Variants in PHF21A observed in about 807,000 individuals in gnomAD.
PHF21A encodes the protein PHD finger protein 21A.
In PHF21A, 11 loss-of-function variants were observed where a neutral mutation model predicts 82.5. The ratio of observed to expected loss-of-function variants is 0.13; its 90% CI spans 0.08 to 0.22. The LOEUF (loss-of-function observed/expected upper bound fraction) is 0.22. Among genes scored for constraint, PHF21A ranks in the 10% least tolerant of loss-of-function variants. The probability of loss-of-function intolerance (pLI) is 1.00; values close to 1 mark genes in which losing one functional copy is unlikely to be tolerated. For synonymous variants in PHF21A, 297 were observed against 302.8 expected, an observed-to-expected ratio of 0.98 and a Z score of 0.20; for missense variants, 579 against 837.8, an observed-to-expected ratio of 0.69 and a Z score of 3.81.
At chr11:45,986,485 C>T (rs1260324917) in intron 6 of PHF21A, among the ~76,000 whole-genome samples, 6 of 152,022 alleles carry the variant, frequency 3.9e-5, no homozygotes, top group Admixed American at 1.3e-4. Flanking sequence ...ATGTAACATA[C>T]GACGATGCTG....
chr11:45,976,002 C>T (rs1247265390), intron 7 of PHF21A, among the ~76,000 whole-genome samples: 16 of 151,998 alleles, frequency 1.1e-4, no homozygotes, highest in Admixed American at 1.0e-3. Context: ...CATATATAAC[C>T]TCCCATTTGT....
chr11:46,074,775 T>A (rs1463806072), intron 6 of PHF21A, among the ~76,000 whole-genome samples: 5 of 152,190 alleles, frequency 3.3e-5, no homozygotes, highest in African/African-American at 1.2e-4. Flanking sequence ...AGTGCTGGGA[T>A]TACAGGCGTG....
intron 7 of PHF21A, among the ~76,000 whole-genome samples, chr11:45,977,200 G>T (rs115659933): frequency 6.8e-6 from 1 of 147,286 alleles, no homozygotes; most frequent in Non-Finnish European, 1.5e-5. Context: ...AGTGCAGTAC[G>T]ATCTCGGCTC....
At chr11:45,979,997 A>G in intron 6 of PHF21A, 31 bp from the exon 7 acceptor site, 1 of 1,613,474 alleles carries the variant, frequency 6.2e-7, no homozygotes, top group Non-Finnish European at 8.5e-7. Context: ...GAAATAAAAG[A>G]TATTAGAATA....
intron 6 of PHF21A, among the ~76,000 whole-genome samples, chr11:46,008,298 C>T (rs1460610292): frequency 6.6e-6 from 1 of 152,130 alleles, no homozygotes; most frequent in Non-Finnish European, 1.5e-5. Flanking sequence ...GTGTGTGTGT[C>T]CTTATTAAAG....
At chr11:46,093,479 T>C (rs1379649205) in intron 1 of PHF21A, among the ~76,000 whole-genome samples, 2 of 152,256 alleles carry the variant, frequency 1.3e-5, no homozygotes, top group African/African-American at 4.8e-5. Context: ...TGCTATTCTA[T>C]TCTGCCTTTT....
intron 6 of PHF21A, among the ~76,000 whole-genome samples, chr11:46,020,775 T>A (rs577771826): frequency 6.6e-6 from 1 of 152,304 alleles, no homozygotes; most frequent in Admixed American, 6.5e-5. Context: ...TGAAAAACAT[T>A]ATTCTTAAAC....
intron 6 of PHF21A, among the ~76,000 whole-genome samples, chr11:46,018,110 C>T (rs1407260802): frequency 6.6e-6 from 1 of 151,768 alleles, no homozygotes; most frequent in Non-Finnish European, 1.5e-5. Flanking sequence ...ATTAGCCGGG[C>T]GTAGTGGCGG....
At chr11:45,934,517 G>C in intron 18 of PHF21A, 1 of 343,336 alleles carries the variant, frequency 2.9e-6, no homozygotes, top group South Asian at 8.0e-5. Flanking sequence ...AACCGGCAGA[G>C]CCGCCATCAG....
intron 6 of PHF21A, among the ~76,000 whole-genome samples, chr11:45,990,079 C>T (rs2094630566): frequency 6.6e-6 from 1 of 152,026 alleles, no homozygotes; most frequent in South Asian, 2.1e-4. Context: ...ATGAAAATTA[C>T]AAAATCTAAT....
At chr11:46,067,823 A>G (rs1050945375) in intron 6 of PHF21A, among the ~76,000 whole-genome samples, 2 of 152,194 alleles carry the variant, frequency 1.3e-5, no homozygotes, top group Non-Finnish European at 2.9e-5. Context: ...TTACAATACA[A>G]CTTGATGAGT....
At chr11:46,110,790 T>C (rs1374163656) in intron 1 of PHF21A, among the ~76,000 whole-genome samples, 1 of 93,206 alleles carries the variant, frequency 1.1e-5, no homozygotes. Flanking sequence ...TATTAACAAT[T>C]TTTTTTTTTT....
At chr11:45,969,088 G>C (rs2093618509) in intron 9 of PHF21A, among the ~76,000 whole-genome samples, 1 of 152,090 alleles carries the variant, frequency 6.6e-6, no homozygotes, top group Admixed American at 6.5e-5. Flanking sequence ...AGGCTATTTG[G>C]AAATCATTTA....
At chr11:46,068,668 GA>G (rs973661005) in intron 6 of PHF21A, among the ~76,000 whole-genome samples, 100 of 148,724 alleles carry the variant, frequency 6.7e-4, no homozygotes, top group African/African-American at 2.1e-3. Flanking sequence ...GAGCAAAGTG[GA>G]AAAAAAAAAT....
intron 6 of PHF21A, among the ~76,000 whole-genome samples, chr11:46,019,362 C>T (rs1340909816): frequency 2.6e-5 from 4 of 151,858 alleles, no homozygotes; most frequent in Non-Finnish European, 5.9e-5. Context: ...AGAACTAATC[C>T]AGAAGCTAAC....
At chr11:45,997,704 G>T (rs1017582719) in intron 6 of PHF21A, among the ~76,000 whole-genome samples, 2 of 152,202 alleles carry the variant, frequency 1.3e-5, no homozygotes, top group African/African-American at 2.4e-5. Context: ...CAATCTACCT[G>T]TTCAGGATCT....
At chr11:46,115,120 C>CT (rs1026366258) in intron 1 of PHF21A, among the ~76,000 whole-genome samples, 16 of 151,240 alleles carry the variant, frequency 1.1e-4, no homozygotes, top group African/African-American at 1.7e-4. Flanking sequence ...TTTTTATTTA[C>CT]TTTTTTTTTA....
At chr11:46,015,895 C>CACCT in intron 6 of PHF21A, among the ~76,000 whole-genome samples, 1 of 149,596 alleles carries the variant, frequency 6.7e-6, no homozygotes, top group South Asian at 2.1e-4. Context: ...GTTTTACAGT[C>CACCT]ATCTATCTAT....
At chr11:45,984,636 A>G (rs559131353) in intron 6 of PHF21A, among the ~76,000 whole-genome samples, 2 of 152,306 alleles carry the variant, frequency 1.3e-5, no homozygotes, top group African/African-American at 2.4e-5. Flanking sequence ...GTCAACAGAG[A>G]AGGGAGACGG....
Sources: allele counts gnomAD v4.1 joint callset (sites outside exome capture counted in the v4.1 genomes callset), GRCh38; gene constraint gnomAD v4.1.1; transcripts MANE v1.5; gene names NCBI Gene and HGNC (gene_info 2026-07-23, HGNC 2026-07-21).